ROBO2: variants seen among roughly 807,000 people sequenced by gnomAD.
ROBO2 encodes roundabout homolog 2.
In ROBO2, 53 loss-of-function variants were observed where a neutral mutation model predicts 160.8. The ratio of observed to expected loss-of-function variants is 0.33; its 90% CI spans 0.26 to 0.41. ROBO2 has a LOEUF of 0.41. Ranked by LOEUF, ROBO2 falls within the 10% of genes least tolerant of loss-of-function variation. The pLI is 1.00. For missense variants in ROBO2, 1,577 were observed against 1,722.4 expected (o/e 0.92, Z 1.49); for synonymous variants, 664 against 611.7 (o/e 1.09, Z -1.26).
rs568668819 is a variant in ROBO2 at position 76,324,604 on chromosome 3, C to T, written c.109+387002C>T. On this transcript the variant is annotated intron_variant, in intron 2 of 26. Coordinates refer to the ROBO2 transcript ENST00000487694. ...ATCTGTGTTGTGTGTAGATTCAAAACATGTTTAAGATCCACGTGAGTCTAA... is the reference window on the plus strand; with the variant it reads ...ATCTGTGTTGTGTGTAGATTCAAAATATGTTTAAGATCCACGTGAGTCTAA... Among the ~76,000 whole-genome samples the T allele has an allele frequency of 4.6e-5, 7 of 151,402 alleles. No individual in the cohort carries two copies. In the East Asian group the frequency reaches 1.4e-3, roughly 30 times the overall value.
intron 1 of ROBO2, among the ~76,000 whole-genome samples, chr3:77,064,386 A>G (rs1258194918): frequency 1.4e-5 from 2 of 145,742 alleles, no homozygotes; most frequent in Non-Finnish European, 1.5e-5. Context: ...TTTGAGACAG[A>G]GTCTCACTGT....
chr3:76,012,004 A>G lies in ROBO2; in HGVS notation c.109+74402A>G, dbSNP rs773070115. Reference sequence around the variant, plus strand: ...TTAGACAGATTCAAAGCCCAGTTCAATGTAGCCAAGATTCTTTAATTTCTA... The same window carrying G: ...TTAGACAGATTCAAAGCCCAGTTCAGTGTAGCCAAGATTCTTTAATTTCTA... On this transcript the variant is annotated intron_variant, in intron 2 of 26. Coordinates refer to the ROBO2 transcript ENST00000487694. Among the ~76,000 whole-genome samples the G allele has an allele frequency of 6.6e-4, 100 of 152,358 alleles. 1 individual carries two copies. Among genetic ancestry groups the G allele is most frequent in the Middle Eastern group, 3.4e-3 (1 of 294 alleles).
At chr3:76,111,661 T>C (rs1278730557) in intron 2 of ROBO2, among the ~76,000 whole-genome samples, 1 of 152,064 alleles carries the variant, frequency 6.6e-6, no homozygotes. Flanking sequence ...TCTCTCATTA[T>C]GATTCAAAAT....
intron 2 of ROBO2, among the ~76,000 whole-genome samples, chr3:76,251,786 T>C (rs148325626): frequency 3.9e-4 from 59 of 152,168 alleles, no homozygotes; most frequent in African/African-American, 1.4e-3. Flanking sequence ...CTTCGAAATT[T>C]TGACTTGGGT....
intron 2 of ROBO2, among the ~76,000 whole-genome samples, chr3:76,024,545 C>A (rs1279598237): frequency 6.6e-6 from 1 of 151,200 alleles, no homozygotes; most frequent in African/African-American, 2.4e-5. Context: ...CTATAACATG[C>A]AAATTAAGAT....
At chr3:76,920,620 C>G (rs1285937127) in intron 2 of ROBO2, among the ~76,000 whole-genome samples, 3 of 152,206 alleles carry the variant, frequency 2.0e-5, no homozygotes, top group Non-Finnish European at 4.4e-5. Flanking sequence ...TATTTAAGTA[C>G]ATAGTCTTTC....
At position 76,575,204 on chromosome 3, in the gene ROBO2, C is replaced by A. The variant is rs372429769; in HGVS notation, c.110-522810C>A. On this transcript the variant is annotated intron_variant, in intron 2 of 26. Coordinates refer to the ROBO2 transcript ENST00000487694. ...TCAAAAACTCAACATTTTTACAATA[C>A]CTTGATAATTCCCATTCTTTCCATT... 1.1e-4 allele frequency among the ~76,000 whole-genome samples: 17 copies of A among 152,128 alleles called. No homozygotes were observed. The East Asian group carries it at 2.9e-3, about 26-fold the overall frequency.
chr3:76,017,122 C>A (rs929209226), intron 2 of ROBO2, among the ~76,000 whole-genome samples: 4 of 152,140 alleles, frequency 2.6e-5, no homozygotes, highest in African/African-American at 9.7e-5. Flanking sequence ...TGGGTCCTAG[C>A]CAACTACAAC....
intron 5 of ROBO2, among the ~76,000 whole-genome samples, chr3:77,514,077 C>CATTAAT (rs2089725813): frequency 2.6e-5 from 4 of 151,522 alleles, no homozygotes; most frequent in Non-Finnish European, 5.9e-5. Context: ...TTAATTACAG[C>CATTAAT]CAATGATACC....
chr3:75,989,268 C>T (rs907801495), intron 2 of ROBO2, among the ~76,000 whole-genome samples: 1 of 152,074 alleles, frequency 6.6e-6, no homozygotes, highest in Non-Finnish European at 1.5e-5. Flanking sequence ...CAGGAGTGCA[C>T]TACCATGACT....
intron 11 of ROBO2, among the ~76,000 whole-genome samples, chr3:77,563,954 C>G (rs2093408292): frequency 1.3e-5 from 2 of 151,970 alleles, no homozygotes. Context: ...TAAAATTGTC[C>G]TATGAAAATT....
chr3:76,393,485 A>T (rs1249326391), intron 2 of ROBO2, among the ~76,000 whole-genome samples: 1 of 152,322 alleles, frequency 6.6e-6, no homozygotes, highest in South Asian at 2.1e-4. Flanking sequence ...GAAATTGATA[A>T]GACTTCTAAA....
At chr3:76,582,851 CAT>C (rs1308844028) in intron 2 of ROBO2, among the ~76,000 whole-genome samples, 11 of 152,100 alleles carry the variant, frequency 7.2e-5, no homozygotes, top group African/African-American at 2.4e-4. Context: ...CTTTTCCTAA[CAT>C]GTGAACCTAT....
chr3:76,661,833 G>A (rs1331432964), intron 2 of ROBO2, among the ~76,000 whole-genome samples: 3 of 152,156 alleles, frequency 2.0e-5, no homozygotes, highest in African/African-American at 2.4e-5. Context: ...AAGGGAAGGA[G>A]ATTGTCTACA....
At chr3:76,948,874 T>TTATA (rs71104642) in intron 2 of ROBO2, among the ~76,000 whole-genome samples, 738 of 48,532 alleles carry the variant, frequency 0.015, 24 homozygotes, top group Non-Finnish European at 0.019. Flanking sequence ...CCGGCTAATT[T>TTATA]TATATATATA....
chr3:77,148,405 A>G (rs1000378946), intron 2 of ROBO2, among the ~76,000 whole-genome samples: 14 of 152,218 alleles, frequency 9.2e-5, no homozygotes, highest in African/African-American at 3.4e-4. Context: ...CCCTCTTCTA[A>G]TCATTTCTGC....
At chr3:76,614,664 G>T (rs1560237737) in intron 2 of ROBO2, among the ~76,000 whole-genome samples, 1 of 152,042 alleles carries the variant, frequency 6.6e-6, no homozygotes, top group East Asian at 1.9e-4. Context: ...TATCAACAAT[G>T]GTTTAATTTG....
chr3:75,979,316 TAGAG>T (rs1185557491), intron 2 of ROBO2, among the ~76,000 whole-genome samples: 1 of 151,502 alleles, frequency 6.6e-6, no homozygotes, highest in Non-Finnish European at 1.5e-5. Context: ...CACACATATA[TAGAG>T]AGAGATAATA....
chr3:76,872,138 C>G (rs1052914540), intron 2 of ROBO2, among the ~76,000 whole-genome samples: 3 of 151,828 alleles, frequency 2.0e-5, no homozygotes, highest in Non-Finnish European at 4.4e-5. Flanking sequence ...GCACATAACC[C>G]CAAAATAGTA....
Sources: allele counts gnomAD v4.1 joint callset (sites outside exome capture counted in the v4.1 genomes callset), GRCh38; gene constraint gnomAD v4.1.1; transcripts MANE v1.5; gene names NCBI Gene and HGNC (gene_info 2026-07-23, HGNC 2026-07-21).